The following RPTOR variants were observed in gnomAD, a reference collection of about 807,000 sequenced individuals.
RPTOR encodes regulatory-associated protein of mTOR.
RPTOR carries 21 observed loss-of-function variants against 169.9 expected under a neutral mutation model. That is an observed-to-expected ratio of 0.12 (90% confidence interval 0.09 to 0.18). The LOEUF is 0.18. Ranked by LOEUF, RPTOR falls within the 10% of genes least tolerant of loss-of-function variation. RPTOR has a pLI of 1.00. For missense variants in RPTOR, 1,133 were observed against 1,855.9 expected (o/e 0.61, Z 7.16); for synonymous variants, 732 against 753.2 (o/e 0.97, Z 0.46).
chr17:80,567,803 A>T (rs11649862), intron 1 of RPTOR, among the ~76,000 whole-genome samples: 33 of 148,556 alleles, frequency 2.2e-4, no homozygotes, highest in Middle Eastern at 3.4e-3. Context: ...AAAAATAAAT[A>T]AAATAAATAA....
intron 4 of RPTOR, among the ~76,000 whole-genome samples, chr17:80,719,924 G>T (rs1228434725): frequency 1.3e-5 from 2 of 152,042 alleles, no homozygotes; most frequent in Admixed American, 6.5e-5. Context: ...GGATTTATTG[G>T]TTTTTTGTTT....
intron 3 of RPTOR, among the ~76,000 whole-genome samples, chr17:80,700,671 TGATGATGGA>T (rs201142581): frequency 1.3e-4 from 17 of 132,428 alleles, no homozygotes; most frequent in East Asian, 4.4e-4. Flanking sequence ...ATGGTGATGG[TGATGATGGA>T]GGTGGTGGTG....
rs1236131078 is a variant in RPTOR at position 80,805,811 on chromosome 17, A to ATTG, written c.890+14312_890+14314dup. On this transcript the variant is annotated intron_variant, in intron 7 of 33. Coordinates refer to ENST00000306801, the MANE Select transcript of RPTOR (RefSeq NM_020761.3). ...GCCTCCAGAGTGGCCATTCCTGTCC[A>ATTG]TTGTTGTTGTTGACTGACTCCAGGA... Among the ~76,000 whole-genome samples the ATTG allele has an allele frequency of 7.9e-5, 12 of 152,038 alleles. 1 individual carries two copies. The highest frequency in any genetic ancestry group is 2.6e-4 in the Admixed American group (4 of 15,264).
Position 80,959,784 on chromosome 17 carries a change from G to A in RPTOR, c.3478-294G>A, listed in dbSNP as rs971006314. On this transcript the variant is annotated intron_variant, in intron 29 of 33. Transcript: ENST00000306801. The surrounding 1 kb of genome is among the most constrained non-coding windows in gnomAD (Gnocchi z 6.7). ...GTTTGCAGGCCTCCGCTCGGGGTGG[G>A]GCTGGCCTCTGCCTCACTGGCTGGG... is the stretch of plus-strand genomic sequence containing the variant. Among the ~76,000 whole-genome samples the A allele has an allele frequency of 6.6e-6, 1 of 152,202 alleles. No individual in the cohort carries two copies. The highest frequency in any genetic ancestry group is 2.1e-4 in the South Asian group (1 of 4,826).
chr17:80,618,439 TG>T (rs1462327081), intron 1 of RPTOR, among the ~76,000 whole-genome samples: 2 of 152,250 alleles, frequency 1.3e-5, no homozygotes, highest in African/African-American at 4.8e-5. Context: ...GGGTCTGTGA[TG>T]TTGGAACTAA....
Position 80,730,771 on chromosome 17 carries a change from T to TTTGTTTCCGGGGGGGGG in RPTOR, c.654+65_654+66insTTGTTTCCGGGGGGGGG. On this transcript the variant is annotated intron_variant, in intron 5 of 33. Transcript: ENST00000306801. This position sits in a 1 kb window ranked among gnomAD's most constrained non-coding sequence, Gnocchi z 4.2. Reference sequence around the variant, plus strand: ...TTTTGTTTTCCCTGGGGGTGGGGTTTGGGTGGGGAGGTTGGGAGGTGTTGG... The same window carrying TTTGTTTCCGGGGGGGGG: ...TTTTGTTTTCCCTGGGGGTGGGGTTTTTGTTTCCGGGGGGGGGGGGTGGGGAGGTTGGGAGGTGTTGG... 1 of 479,858 alleles carries TTTGTTTCCGGGGGGGGG rather than the reference T, an allele frequency of 2.1e-6. No individual in the cohort carries two copies. The highest frequency in any genetic ancestry group is 4.0e-6 in the Non-Finnish European group (1 of 250,640). 29.7% of individuals were successfully genotyped at this position (479,858 alleles called of 1,614,324 possible). A position where few individuals can be genotyped will look rare whatever the true frequency, so the allele number is the denominator to read the frequency against.
At chr17:80,629,397 C>T (rs1229146153) in intron 2 of RPTOR, among the ~76,000 whole-genome samples, 1 of 150,284 alleles carries the variant, frequency 6.7e-6, no homozygotes, top group Non-Finnish European at 1.5e-5. Flanking sequence ...GGACTCAGCT[C>T]TCTATGTATT....
At chr17:80,649,099 A>C (rs973859884) in intron 3 of RPTOR, among the ~76,000 whole-genome samples, 3 of 152,206 alleles carry the variant, frequency 2.0e-5, no homozygotes, top group African/African-American at 7.2e-5. Context: ...AAGACGCATA[A>C]ATCAGTGGGT....
chr17:80,762,037 G>T (rs779044186), intron 6 of RPTOR, among the ~76,000 whole-genome samples: 3 of 152,158 alleles, frequency 2.0e-5, no homozygotes, highest in Non-Finnish European at 4.4e-5. Context: ...GCAGCTTCCA[G>T]GCCGTTTCCA....
At position 80,816,727 on chromosome 17, in the gene RPTOR, G is replaced by A. The variant is rs546308732; in HGVS notation, c.891-5474G>A. On this transcript the variant is annotated intron_variant, in intron 7 of 33. Transcript: ENST00000306801. ...TTGGGAGGAGGTGGCTTGGAAGGGCGGTGAGGACAGAAACCAGCTTTCGCA... is the reference window on the plus strand; with the variant it reads ...TTGGGAGGAGGTGGCTTGGAAGGGCAGTGAGGACAGAAACCAGCTTTCGCA... 3.9e-5 allele frequency among the ~76,000 whole-genome samples: 6 copies of A among 152,328 alleles called. No homozygotes were observed. In the East Asian group the frequency reaches 5.8e-4, roughly 15 times the overall value.
intron 3 of RPTOR, among the ~76,000 whole-genome samples, chr17:80,685,650 T>TTTTA (rs1555607065): frequency 3.6e-4 from 34 of 93,232 alleles, no homozygotes; most frequent in African/African-American, 6.2e-4. Context: ...TTTTTTTTTT[T>TTTTA]TTTTTTTGCT....
chr17:80,575,013 GGTTT>G (rs1325838021), intron 1 of RPTOR, among the ~76,000 whole-genome samples: 1 of 148,348 alleles, frequency 6.7e-6, no homozygotes, highest in Non-Finnish European at 1.5e-5. Context: ...ACTTTCCTTG[GGTTT>G]GTTTTATTAC....
At chr17:80,963,940 C>T (rs538779158) in intron 33 of RPTOR, among the ~76,000 whole-genome samples, 3 of 152,224 alleles carry the variant, frequency 2.0e-5, no homozygotes, top group South Asian at 4.1e-4. Context: ...TTCTGCCCAC[C>T]TGCCGCCTTG....
chr17:80,571,223 A>G (rs767492350), intron 1 of RPTOR, among the ~76,000 whole-genome samples: 13 of 152,204 alleles, frequency 8.5e-5, no homozygotes, highest in Non-Finnish European at 1.9e-4. Flanking sequence ...AGTGTTAATC[A>G]TTGTTCATGT....
intron 20 of RPTOR, among the ~76,000 whole-genome samples, chr17:80,895,958 C>T (rs1160642980): frequency 6.6e-6 from 1 of 152,112 alleles, no homozygotes; most frequent in Admixed American, 6.5e-5. Context: ...CTGAATATAT[C>T]CATCGAAAAT....
chr17:80,837,377 G>A (rs1567939996), intron 9 of RPTOR, among the ~76,000 whole-genome samples: 1 of 152,122 alleles, frequency 6.6e-6, no homozygotes, highest in African/African-American at 2.4e-5. Flanking sequence ...GGACAGGGAG[G>A]GGCCTGACGG....
chr17:80,940,205 A>G (rs1158355758), intron 24 of RPTOR, among the ~76,000 whole-genome samples: 1 of 152,266 alleles, frequency 6.6e-6, no homozygotes, highest in African/African-American at 2.4e-5. Context: ...AATAACAAAA[A>G]TAAATTTAAA....
In RPTOR at chr17:80,860,305, G is replaced by A. The variant is rs371272005; in HGVS notation, c.1509+2405G>A. Among the ~76,000 whole-genome samples the A allele has an allele frequency of 1.7e-4, 26 of 152,298 alleles. No homozygotes were observed. The highest frequency in any genetic ancestry group is 5.3e-4 in the African/African-American group (22 of 41,570). ...CAAATTCACTGACCCTGTTGTCCAG[G>A]CACTGGCAGGCACCCCGAGCCACAG... is the stretch of plus-strand genomic sequence containing the variant. On this transcript the variant is annotated intron_variant, in intron 13 of 33. Transcript: ENST00000306801. The surrounding 1 kb of genome is among the most constrained non-coding windows in gnomAD (Gnocchi z 5.8).
chr17:80,546,853 G>C (rs2084282191), intron 1 of RPTOR, among the ~76,000 whole-genome samples: 1 of 152,148 alleles, frequency 6.6e-6, no homozygotes, highest in African/African-American at 2.4e-5. Context: ...CGGATCACCT[G>C]AGGTCAGGAG....
Sources: gnomAD v4.1 joint callset for allele counts (sites outside exome capture counted in the v4.1 genomes callset) on GRCh38, gnomAD v4.1.1 for gene constraint, Gnocchi (gnomAD v3.1) non-coding constraint, MANE v1.5 for transcripts, NCBI Gene and HGNC (gene_info 2026-07-23, HGNC 2026-07-21) for gene names.